Variants in ABCA3 observed in about 807,000 individuals in gnomAD.
ABCA3 encodes the protein ATP binding cassette subfamily A member 3.
Under a neutral mutation model 172.8 loss-of-function variants are expected in ABCA3, and 88 were observed. The ratio of observed to expected loss-of-function variants is 0.51; its 90% CI spans 0.43 to 0.61. The LOEUF (loss-of-function observed/expected upper bound fraction) is 0.61. ABCA3 is among the 20% of genes least tolerant of loss of function. ABCA3 has a pLI of 0.00. For synonymous variants in ABCA3, 1,066 were observed against 983.8 expected (o/e 1.08, Z -1.56); for missense variants, 2,164 against 2,301.0 (o/e 0.94, Z 1.22).
chr16:2,299,247 T>G (rs2093685075), intron 14 of ABCA3, among the ~76,000 whole-genome samples, 156 bp downstream of exon 14: 1 of 152,068 alleles, frequency 6.6e-6, no homozygotes, highest in Non-Finnish European at 1.5e-5. Flanking sequence ...CAGTCCCTGC[T>G]TGTGCCCCTG....
rs2093664245 is a variant in ABCA3 at position 2,287,021 on chromosome 16, C to A, written c.3005-54G>T. The A allele has an allele frequency of 6.3e-7, 1 of 1,579,944 alleles. No individual in the cohort carries two copies. The highest frequency in any genetic ancestry group is 2.3e-5 in the East Asian group (1 of 43,360). On this transcript the variant is annotated intron_variant, in intron 21 of 32. Coordinates refer to ENST00000301732, the MANE Select transcript of ABCA3 (RefSeq NM_001089.3). The surrounding 1 kb of genome is among the most constrained non-coding windows in gnomAD (Gnocchi z 4.1). ...ACAGGAAGAGGTGACACCTGGGCAC[C>A]CCCTGCCACCTGAGCATGGCTAATC...
chr16:2,286,506 A>C lies in ABCA3; in HGVS notation c.3278+188T>G, dbSNP rs547189743. On this transcript the variant is annotated intron_variant, in intron 22 of 32. Coordinates refer to ENST00000301732, the MANE Select transcript of ABCA3 (RefSeq NM_001089.3). This position sits in a 1 kb window ranked among gnomAD's most constrained non-coding sequence, Gnocchi z 5.2. ...GACCGCAGTGCATGGGATGGCCCAC[A>C]GCTGATCTGCTGTCACAGGGAGTTG... is the stretch of plus-strand genomic sequence containing the variant. Among the ~76,000 whole-genome samples the C allele has an allele frequency of 5.3e-5, 8 of 152,286 alleles. No homozygotes were observed. In the East Asian group the frequency reaches 1.5e-3, roughly 29 times the overall value.
intron 2 of ABCA3, 97 bp from the exon 3 acceptor site, chr16:2,328,854 C>T (rs1200142455): frequency 1.8e-5 from 3 of 163,920 alleles, no homozygotes; most frequent in Admixed American, 6.1e-5. Context: ...CATGAGCTAG[C>T]GCTCCCCGAC....
chr16:2,335,829 C>T (rs764718009), intron 1 of ABCA3, among the ~76,000 whole-genome samples: 15 of 152,174 alleles, frequency 9.9e-5, no homozygotes, highest in African/African-American at 3.4e-4. Context: ...TACAATGCTT[C>T]GCAGTGATGT....
chr16:2,283,994 T>C lies in ABCA3; in HGVS notation c.3862+285A>G, dbSNP rs752984663. 18 of 384,406 alleles carry C rather than the reference T, an allele frequency of 4.7e-5. No homozygotes were observed. The highest frequency in any genetic ancestry group is 8.7e-5 in the Non-Finnish European group (18 of 205,974). 23.8% of individuals were successfully genotyped at this position (384,406 alleles called of 1,614,324 possible). A position where few individuals can be genotyped will look rare whatever the true frequency, so the allele number is the denominator to read the frequency against. On this transcript the variant is annotated intron_variant, in intron 25 of 32. Coordinates refer to ENST00000301732, the MANE Select transcript of ABCA3 (RefSeq NM_001089.3). This position sits in a 1 kb window ranked among gnomAD's most constrained non-coding sequence, Gnocchi z 5.4. ...GGGAGAAGCAGGAAGGGTCCTCCCC[T>C]GAGCCATGGGGGATTCACTCCTCGT...
At chr16:2,309,235 C>T (rs1248599517) in intron 10 of ABCA3, among the ~76,000 whole-genome samples, 1 of 152,210 alleles carries the variant, frequency 6.6e-6, no homozygotes, top group Non-Finnish European at 1.5e-5. Context: ...CGTGAGCCAC[C>T]GTGCCCAGCC....
chr16:2,285,124 G>T lies in ABCA3; in HGVS notation c.3484-126C>A. 9.2e-7 allele frequency: 1 copy of T among 1,091,974 alleles called. No homozygotes were observed. The highest frequency in any genetic ancestry group is 1.3e-6 in the Non-Finnish European group (1 of 744,228). The allele number at this position is 1,091,974 out of a possible 1,614,324, so 67.6% of individuals were successfully genotyped here. A position where few individuals can be genotyped will look rare whatever the true frequency, so the allele number is the denominator to read the frequency against. ...CCGGTCAGCTGGCCCATGTCCATCA[G>T]CCCCACAGGCCACGTCTGGCCCCCG... On this transcript the variant is annotated intron_variant, in intron 23 of 32. Transcript: ENST00000301732. This position sits in a 1 kb window ranked among gnomAD's most constrained non-coding sequence, Gnocchi z 4.7.
At chr16:2,328,046 C>A (rs1019544874) in intron 3 of ABCA3, among the ~76,000 whole-genome samples, 19 of 152,018 alleles carry the variant, frequency 1.2e-4, no homozygotes, top group African/African-American at 4.1e-4. Context: ...ACCATCTGTC[C>A]AACGAAAATT....
chr16:2,312,446 G>GA (rs1474605929), intron 10 of ABCA3, among the ~76,000 whole-genome samples: 1 of 151,684 alleles, frequency 6.6e-6, no homozygotes, highest in Non-Finnish European at 1.5e-5. Flanking sequence ...AATACTAAAT[G>GA]AAGTATATTT....
chr16:2,298,613 A>T, intron 14 of ABCA3, 73 bp from the exon 15 acceptor site: 1 of 1,553,214 alleles, frequency 6.4e-7, no homozygotes, highest in Non-Finnish European at 8.8e-7. Flanking sequence ...ATGACCCCCC[A>T]CCCCCTCTCT....
At position 2,285,499 on chromosome 16, in the gene ABCA3, C is replaced by G; in HGVS notation, c.3426G>C (p.Trp1142Cys). ...TGAGGTCCCACAGCAGAGCAGAGAG[C>G]CAGAAACTGGCCACGTGGACTCCAC... ...FVSGVHVASF[W>C]LSALLWDLIS... Residue 1142 changes from tryptophan to cysteine, a missense_variant, in exon 23 of 33, where the codon TGG becomes TGC. This residue lies in a region of ABCA3 where 795 missense variants were observed against 881.9 expected (regional missense o/e 0.90). Transcript: ENST00000301732. This position sits in a 1 kb window ranked among gnomAD's most constrained non-coding sequence, Gnocchi z 4.7. 1 of 1,611,402 alleles carries G rather than the reference C, an allele frequency of 6.2e-7. No individual in the cohort carries two copies.
At chr16:2,310,223 G>A (rs1315533227) in intron 10 of ABCA3, among the ~76,000 whole-genome samples, 1 of 151,358 alleles carries the variant, frequency 6.6e-6, no homozygotes, top group Admixed American at 6.7e-5. Flanking sequence ...GGCCAACATG[G>A]TGAAACCCCG....
At chr16:2,305,631 T>C (rs1166043428) in intron 11 of ABCA3, among the ~76,000 whole-genome samples, 1 of 152,162 alleles carries the variant, frequency 6.6e-6, no homozygotes, top group Non-Finnish European at 1.5e-5. Flanking sequence ...GGTTTCGCCA[T>C]GTTGGCCAGG....
intron 1 of ABCA3, among the ~76,000 whole-genome samples, chr16:2,335,552 G>A (rs560798133): frequency 3.3e-5 from 5 of 152,250 alleles, no homozygotes; most frequent in African/African-American, 9.6e-5. Context: ...CCACTGGCAT[G>A]CGATACCACA....
At chr16:2,299,654 G>A in intron 13 of ABCA3, 122 bp from the exon 14 acceptor site, 1 of 1,487,668 alleles carries the variant, frequency 6.7e-7, no homozygotes, top group Non-Finnish European at 9.3e-7. Flanking sequence ...CCATCAGTGT[G>A]CAGAGGGGAG....
At chr16:2,291,994 AC>A in intron 19 of ABCA3, 145 bp downstream of exon 19, 1 of 645,818 alleles carries the variant, frequency 1.5e-6, no homozygotes, top group South Asian at 1.5e-5. Flanking sequence ...AATCTCTTGA[AC>A]CCAGGAGGCG....
intron 12 of ABCA3, among the ~76,000 whole-genome samples, chr16:2,302,005 G>C (rs1354340542): frequency 6.6e-6 from 1 of 152,252 alleles, no homozygotes; most frequent in Non-Finnish European, 1.5e-5. Context: ...TTCTTAAGCC[G>C]CAAACAAAAG....
intron 1 of ABCA3, among the ~76,000 whole-genome samples, chr16:2,331,336 C>T (rs973116859): frequency 1.3e-5 from 2 of 152,174 alleles, no homozygotes; most frequent in Non-Finnish European, 2.9e-5. Context: ...TCCCAAGTAG[C>T]TACAGGCACA....
intron 20 of ABCA3, 30 bp downstream of exon 20, chr16:2,289,404 C>CCCCCCCCCCCCCCCCCCCAGG: frequency 6.4e-7 from 1 of 1,555,384 alleles, no homozygotes; most frequent in Non-Finnish European, 8.7e-7. Context: ...GCCCTTCCCC[C>CCCCCCCCCCCCCCCCCCCAGG]GCCACCCGCC....
Sources: gnomAD v4.1 joint callset for allele counts (sites outside exome capture counted in the v4.1 genomes callset) on GRCh38, gnomAD v4.1.1 for gene constraint, gnomAD v4.1.1 regional missense constraint, Gnocchi (gnomAD v3.1) non-coding constraint, MANE v1.5 for transcripts, NCBI Gene and HGNC (gene_info 2026-07-23, HGNC 2026-07-21) for gene names.